The following MBOAT2 variants were observed in gnomAD, a reference collection of about 807,000 sequenced individuals.
MBOAT2 encodes the protein membrane-bound glycerophospholipid O-acyltransferase 2.
Under a neutral mutation model 63.4 loss-of-function variants are expected in MBOAT2, and 28 were observed. That is an observed-to-expected ratio of 0.44 (90% CI 0.33 to 0.61). The LOEUF (loss-of-function observed/expected upper bound fraction) is 0.61, where lower values mean the gene tolerates loss of function less well. Among genes scored for constraint, MBOAT2 ranks in the 20% least tolerant of loss-of-function variants. The probability of loss-of-function intolerance (pLI) is 0.03; values close to 1 mark genes in which losing one functional copy is unlikely to be tolerated. For synonymous variants in MBOAT2, 211 were observed against 215.6 expected (o/e 0.98, Z 0.19); for missense variants, 470 against 605.8 (o/e 0.78, Z 2.35).
At chr2:8,940,149 CT>C (rs1031248874) in intron 3 of MBOAT2, among the ~76,000 whole-genome samples, 34 of 152,064 alleles carry the variant, frequency 2.2e-4, no homozygotes, top group African/African-American at 8.0e-4. Flanking sequence ...AATCAGCCCC[CT>C]CTTCCCTTCT....
At chr2:8,864,502 C>T (rs757853680) in intron 9 of MBOAT2, among the ~76,000 whole-genome samples, 1 of 152,160 alleles carries the variant, frequency 6.6e-6, no homozygotes, top group Non-Finnish European at 1.5e-5. Context: ...TCATGGATTT[C>T]TTCCAAAGAC....
At chr2:8,903,119 C>T (rs188825625) in intron 4 of MBOAT2, among the ~76,000 whole-genome samples, 5 of 152,064 alleles carry the variant, frequency 3.3e-5, no homozygotes, top group Non-Finnish European at 7.4e-5. Flanking sequence ...AGACACAGAG[C>T]GCTGACTGGT....
In MBOAT2 at chr2:8,873,197, T is replaced by C. The variant is rs1420346617; in HGVS notation, c.794A>G (p.Gln265Arg). ...CTTTGTTGGCCACGAAGCTGTAGCT[T>C]GAAAATGCTCATCAATGTTGTACTC... ...PVEYNIDEHF[Q>R]ATASWPTKII... Residue 265 changes from glutamine (Q) to arginine (R), a missense_variant, in exon 8 of 13, where the codon CAA (glutamine) becomes CGA (arginine). This residue lies in a region of MBOAT2 where 376 missense variants were observed against 503.8 expected (regional missense o/e 0.75). Coordinates refer to ENST00000305997, the MANE Select transcript of MBOAT2 (RefSeq NM_138799.4). The C allele has an allele frequency of 6.2e-7, 1 of 1,614,154 alleles. No individual in the cohort carries two copies. Among genetic ancestry groups the C allele is most frequent in the Non-Finnish European group, 8.5e-7 (1 of 1,180,008 alleles).
intron 1 of MBOAT2, among the ~76,000 whole-genome samples, chr2:8,993,985 G>T (rs562031092): frequency 6.6e-6 from 1 of 152,286 alleles, no homozygotes; most frequent in East Asian, 1.9e-4. Flanking sequence ...ACTCCGTAGG[G>T]AGACACCCAC....
chr2:8,930,100 T>C (rs1232119772), intron 3 of MBOAT2, among the ~76,000 whole-genome samples: 1 of 152,204 alleles, frequency 6.6e-6, no homozygotes, highest in African/African-American at 2.4e-5. Flanking sequence ...TAAAATCTTG[T>C]GAGATCCTGT....
intron 9 of MBOAT2, among the ~76,000 whole-genome samples, chr2:8,867,315 T>C (rs1029724765): frequency 3.3e-5 from 5 of 152,136 alleles, no homozygotes; most frequent in African/African-American, 1.2e-4. Context: ...CAGAGCCCTG[T>C]TGGTTTTCTC....
rs1661277207 is a variant in MBOAT2, at chr2:8,858,669, G to A, written c.*10C>T. 7.6e-6 allele frequency: 12 copies of A among 1,580,948 alleles called. No homozygotes were observed. Among genetic ancestry groups the A allele is most frequent in the Non-Finnish European group, 1.0e-5 (12 of 1,159,084 alleles). ...TCAAAAAAAAAAAACAGCCCTCAGA[G>A]CCTTCCCGATCACTGCTTTAGTGAT... On this transcript the variant is annotated 3_prime_UTR_variant, in exon 13 of 13. Transcript: ENST00000305997.
intron 4 of MBOAT2, among the ~76,000 whole-genome samples, chr2:8,899,974 A>T (rs919834101): frequency 4.6e-5 from 7 of 152,112 alleles, no homozygotes; most frequent in Non-Finnish European, 7.4e-5. Flanking sequence ...TAATAAACTT[A>T]TCTTTTAGAA....
At chr2:8,967,613 G>A (rs960781991) in intron 1 of MBOAT2, among the ~76,000 whole-genome samples, 8 of 152,100 alleles carry the variant, frequency 5.3e-5, no homozygotes, top group African/African-American at 1.4e-4. Flanking sequence ...ATAAACATGT[G>A]AGATAGCCAG....
chr2:8,870,928 G>A (rs547915378), intron 8 of MBOAT2, among the ~76,000 whole-genome samples: 1 of 152,124 alleles, frequency 6.6e-6, no homozygotes, highest in Non-Finnish European at 1.5e-5. Flanking sequence ...ATTGGGGTCG[G>A]AGGATCAGAA....
In MBOAT2 at chr2:8,951,095, T is replaced by C. The variant is rs191689288; in HGVS notation, c.221+7402A>G. On this transcript the variant is annotated intron_variant, in intron 2 of 12. Transcript: ENST00000305997. ...TTGGCCTGTAGTTTTCTTTCTTTGTTGTGTCTGCCAGGTTTTGGTATCAGA... is the reference window on the plus strand; with the variant it reads ...TTGGCCTGTAGTTTTCTTTCTTTGTCGTGTCTGCCAGGTTTTGGTATCAGA... 1.8e-3 allele frequency among the ~76,000 whole-genome samples: 280 copies of C among 152,280 alleles called. 1 individual carries two copies. Among genetic ancestry groups the C allele is most frequent in the African/African-American group, 6.4e-3 (267 of 41,554 alleles).
chr2:8,972,735 A>C (rs1670536780), intron 1 of MBOAT2, among the ~76,000 whole-genome samples: 1 of 152,236 alleles, frequency 6.6e-6, no homozygotes, highest in South Asian at 2.1e-4. Context: ...TCTCAAAAGA[A>C]GACATTTATG....
intron 3 of MBOAT2, among the ~76,000 whole-genome samples, chr2:8,913,245 A>C (rs1440444243): frequency 1.3e-5 from 2 of 152,224 alleles, no homozygotes; most frequent in East Asian, 3.8e-4. Context: ...AGAAGATAAC[A>C]TTGGAAAAAC....
intron 3 of MBOAT2, among the ~76,000 whole-genome samples, chr2:8,929,276 T>C (rs1413061708): frequency 6.6e-6 from 1 of 152,210 alleles, no homozygotes; most frequent in African/African-American, 2.4e-5. Context: ...GTTACATGCA[T>C]TGGGGGTAAG....
intron 2 of MBOAT2, among the ~76,000 whole-genome samples, chr2:8,957,754 C>T (rs181416869): frequency 5.9e-5 from 9 of 152,160 alleles, no homozygotes; most frequent in South Asian, 2.1e-4. Flanking sequence ...CAAGTGCTCA[C>T]GTAAGAAAGC....
At chr2:8,891,388 T>G (rs1333135226) in intron 4 of MBOAT2, among the ~76,000 whole-genome samples, 5 of 152,154 alleles carry the variant, frequency 3.3e-5, no homozygotes, top group Admixed American at 3.3e-4. Flanking sequence ...GCAGCAGGTA[T>G]ATGGCTGGGA....
In MBOAT2 at chr2:8,860,752, A is replaced by T. The variant is rs769487017; in HGVS notation, c.1198T>A (p.Phe400Ile). 1.3e-6 allele frequency: 2 copies of T among 1,574,600 alleles called. No homozygotes were observed. Among genetic ancestry groups the T allele is most frequent in the Non-Finnish European group, 1.7e-6 (2 of 1,152,224 alleles). The change falls in exon 12 of 13, where the codon TTT (phenylalanine) becomes ATT (isoleucine). Residue 400 changes from phenylalanine (F) to isoleucine (I), a missense_variant. Physicochemically the swap from Phe to Ile is conservative, Grantham distance 21. Around this residue, in one of 3 missense-constraint regions of MBOAT2, gnomAD observed 376 missense variants for 503.8 expected, o/e 0.75. Transcript: ENST00000305997. The stretch of plus-strand genomic sequence containing the variant: ...GAAGGTTCAATGAAATAATGTCTAA[A>T]GTTATTTCTCATCTGAAATAAAGAA... ...TLAARAMRNN[F>I]RHYFIEPSQL...
chr2:8,944,943 C>T (rs1357369910), intron 2 of MBOAT2, among the ~76,000 whole-genome samples: 3 of 152,164 alleles, frequency 2.0e-5, no homozygotes, highest in African/African-American at 7.2e-5. Flanking sequence ...AATACAGGTA[C>T]TTATCTTAAA....
Position 8,958,650 on chromosome 2 carries a change from GA to G in MBOAT2, c.76-9del, listed in dbSNP as rs1669399015. On this transcript the variant is annotated splice_polypyrimidine_tract_variant and intron_variant, in intron 1 of 12. Coordinates refer to ENST00000305997, the MANE Select transcript of MBOAT2 (RefSeq NM_138799.4). ...GCACACTACAAAGTTGACCTGTAAA[GA>G]AAAATTAAAATTTTGTATTAGCAAC... is the stretch of plus-strand genomic sequence containing the variant. 6.5e-7 allele frequency: 1 copy of G among 1,548,920 alleles called. No homozygotes were observed. The highest frequency in any genetic ancestry group is 8.7e-7 in the Non-Finnish European group (1 of 1,152,818).
Sources: gnomAD v4.1 joint callset for allele counts (sites outside exome capture counted in the v4.1 genomes callset) on GRCh38, gnomAD v4.1.1 for gene constraint, gnomAD v4.1.1 regional missense constraint, MANE v1.5 for transcripts, NCBI Gene and HGNC (gene_info 2026-07-23, HGNC 2026-07-21) for gene names.